The following CCNJL variants were observed in gnomAD, a reference collection of about 807,000 sequenced individuals.
CCNJL encodes the protein cyclin J like, also known as cyclin-J-like protein.
Under a neutral mutation model 33.4 loss-of-function variants are expected in CCNJL, and 33 were observed. The ratio of observed to expected loss-of-function variants is 0.99; its 90% CI spans 0.75 to 1.32. CCNJL has a LOEUF of 1.32. CCNJL is among the 40% of genes most tolerant of loss of function. CCNJL has a pLI of 0.00. For missense variants in CCNJL, 512 were observed against 499.7 expected (o/e 1.02, Z -0.23); for synonymous variants, 227 against 220.9 (o/e 1.03, Z -0.24).
At chr5:160,290,023 T>C (rs1762532002) in intron 2 of CCNJL, among the ~76,000 whole-genome samples, 1 of 152,168 alleles carries the variant, frequency 6.6e-6, no homozygotes, top group Non-Finnish European at 1.5e-5. Flanking sequence ...CATGTGCTCT[T>C]CACACACAGG....
chr5:160,253,920 T>A, intron 5 of CCNJL, 122 bp from the exon 6 acceptor site: 1 of 696,380 alleles, frequency 1.4e-6, no homozygotes, highest in South Asian at 2.5e-5. Flanking sequence ...CCACCAGGCC[T>A]TACCTGGCTG....
intron 5 of CCNJL, 95 bp from the exon 6 acceptor site, chr5:160,253,893 A>G: frequency 3.1e-6 from 3 of 952,970 alleles, no homozygotes; most frequent in South Asian, 3.6e-5. Flanking sequence ...ACTGGAAGAG[A>G]TGCGTGTGTC....
At chr5:160,296,665 C>G (rs1304993183) in intron 2 of CCNJL, among the ~76,000 whole-genome samples, 1 of 152,146 alleles carries the variant, frequency 6.6e-6, no homozygotes, top group Non-Finnish European at 1.5e-5. Context: ...TCCTCTAAGC[C>G]AGTGTTCCTG....
chr5:160,282,146 A>T (rs1762236200), intron 2 of CCNJL, among the ~76,000 whole-genome samples: 1 of 152,182 alleles, frequency 6.6e-6, no homozygotes. Context: ...CCTCTCTCTT[A>T]ACCCTGGGGC....
At chr5:160,257,203 C>T (rs1761104385) in intron 4 of CCNJL, among the ~76,000 whole-genome samples, 1 of 151,684 alleles carries the variant, frequency 6.6e-6, no homozygotes, top group South Asian at 2.1e-4. Context: ...TGGCCGGGTG[C>T]AGTGGTTCAC....
chr5:160,338,657 GATT>G (rs1193477017), intron 1 of CCNJL, among the ~76,000 whole-genome samples: 1 of 152,198 alleles, frequency 6.6e-6, no homozygotes, highest in African/African-American at 2.4e-5. Context: ...ATAAGGGAAT[GATT>G]ATAATCTTGG....
intron 2 of CCNJL, among the ~76,000 whole-genome samples, chr5:160,305,011 T>A (rs1308071541): frequency 2.0e-5 from 3 of 152,044 alleles, no homozygotes; most frequent in African/African-American, 7.2e-5. Flanking sequence ...AGACGGGGCT[T>A]CACCTTGTTG....
chr5:160,311,953 C>T lies in CCNJL; in HGVS notation c.-30G>A. ...TACGCAGCGCCGCTATCCGAGGCTA[C>T]CCGGCTCTCAGGGCGCACCCTGCGT... On this transcript the variant is annotated 5_prime_UTR_variant, in exon 2 of 6. Coordinates refer to ENST00000257536, the MANE Select transcript of CCNJL (RefSeq NM_001308173.3). The T allele has an allele frequency of 6.2e-7, 1 of 1,611,746 alleles. No individual in the cohort carries two copies. Among genetic ancestry groups the T allele is most frequent in the Non-Finnish European group, 8.5e-7 (1 of 1,178,028 alleles).
chr5:160,284,249 G>A (rs1762335181), intron 2 of CCNJL, among the ~76,000 whole-genome samples: 1 of 152,086 alleles, frequency 6.6e-6, no homozygotes, highest in Non-Finnish European at 1.5e-5. Flanking sequence ...TTACTTAGGA[G>A]GCTGAGGTGC....
intron 1 of CCNJL, chr5:160,339,417 C>A: frequency 2.4e-6 from 1 of 416,892 alleles, no homozygotes; most frequent in Non-Finnish European, 4.8e-6. Flanking sequence ...ACACGTTCTT[C>A]AATTTAAATA....
At chr5:160,315,318 A>ACACAC (rs1763368599), upstream of CCNJL, 5 of 103,900 alleles carry the variant, frequency 4.8e-5, no homozygotes, top group African/African-American at 2.0e-4. Context: ...CCCGCCCCCC[A>ACACAC]ACACACACAC....
At chr5:160,268,811 G>A (rs981602021) in intron 3 of CCNJL, among the ~76,000 whole-genome samples, 2 of 152,190 alleles carry the variant, frequency 1.3e-5, no homozygotes, top group Non-Finnish European at 2.9e-5. Context: ...TCCAAAGTCC[G>A]CTGGGTAGAC....
intron 2 of CCNJL, among the ~76,000 whole-genome samples, chr5:160,285,629 G>A (rs984929452): frequency 9.9e-5 from 15 of 152,240 alleles, no homozygotes; most frequent in Non-Finnish European, 1.8e-4. Flanking sequence ...GAAGATGCAG[G>A]AAAGGTAAGG....
In CCNJL at chr5:160,334,784, G is replaced by A. The variant is rs569911750; in HGVS notation, n.206+4661C>T. 6.2e-3 allele frequency among the ~76,000 whole-genome samples: 951 copies of A among 152,340 alleles called. 10 individuals are homozygous for A. Among genetic ancestry groups the A allele is most frequent in the Non-Finnish European group, 9.8e-3 (670 of 68,034 alleles). Reference sequence around the variant, plus strand: ...ACCTGGCATCAGATCCACCTGGAGGGTTTGTTAAGAACAGATGGCTGGACC... The same window carrying A: ...ACCTGGCATCAGATCCACCTGGAGGATTTGTTAAGAACAGATGGCTGGACC... On this transcript the variant is annotated intron_variant and non_coding_transcript_variant, in intron 1 of 7. Coordinates refer to the CCNJL transcript ENST00000377503.
At chr5:160,320,850 C>CCTTCTTTCTTTCTTTCTTTCTTTCT (rs1763439163) in intron 1 of CCNJL, among the ~76,000 whole-genome samples, 1 of 55,532 alleles carries the variant, frequency 1.8e-5, no homozygotes, top group African/African-American at 6.0e-5. Context: ...TCTTTCTTTC[C>CCTTCTTTCTTTCTTTCTTTCTTTCT]TTCTTTCTTT....
chr5:160,301,559 G>C (rs1176925253), intron 2 of CCNJL, among the ~76,000 whole-genome samples: 1 of 151,506 alleles, frequency 6.6e-6, no homozygotes, highest in Non-Finnish European at 1.5e-5. Context: ...TCGGCTTCCT[G>C]AATAGCTGTG....
Position 160,263,799 on chromosome 5 carries a change from T to C in CCNJL, c.281-4028A>G, listed in dbSNP as rs560160990. ...TCAACAACCTTTAGCTCAATGGCTTTGCATCCATGGATGATCCTTTTCTGA... is the reference window on the plus strand; with the variant it reads ...TCAACAACCTTTAGCTCAATGGCTTCGCATCCATGGATGATCCTTTTCTGA... On this transcript the variant is annotated intron_variant, in intron 3 of 5. Coordinates refer to ENST00000257536, the MANE Select transcript of CCNJL (RefSeq NM_001308173.3). 3.9e-5 allele frequency among the ~76,000 whole-genome samples: 6 copies of C among 152,338 alleles called. No homozygotes were observed. The East Asian group carries it at 1.2e-3, about 29-fold the overall frequency.
rs372635342 is a variant in CCNJL at position 160,296,976 on chromosome 5, T to C, written c.66+14882A>G. Among the ~76,000 whole-genome samples, 351 of 152,306 alleles carry C rather than the reference T, an allele frequency of 2.3e-3. 3 individuals are homozygous for C. The highest frequency in any genetic ancestry group is 8.2e-3 in the African/African-American group (342 of 41,554). The stretch of plus-strand genomic sequence containing the variant: ...TATGTAACTCTCTAAACTTTGCATG[T>C]CCCATCTGTAAAATGGGGATAAGTA... On this transcript the variant is annotated intron_variant, in intron 2 of 5. Transcript: ENST00000257536.
chr5:160,335,632 G>A lies in CCNJL; in HGVS notation n.206+3813C>T, dbSNP rs964791047. Among the ~76,000 whole-genome samples the A allele has an allele frequency of 2.1e-4, 32 of 151,968 alleles. 1 individual carries two copies. Among genetic ancestry groups the A allele is most frequent in the Admixed American group, 1.2e-3 (19 of 15,242 alleles). On this transcript the variant is annotated intron_variant and non_coding_transcript_variant, in intron 1 of 7. Transcript: ENST00000377503. ...GTTGCCCAAGCTGGAGTGCAGTGGC[G>A]TGATCATAGCTCGCTGCAGCCTTTG...
Sources: gnomAD v4.1 joint callset for allele counts (sites outside exome capture counted in the v4.1 genomes callset) on GRCh38, gnomAD v4.1.1 for gene constraint, MANE v1.5 for transcripts, NCBI Gene and HGNC (gene_info 2026-07-23, HGNC 2026-07-21) for gene names.